CHST3: variants seen among roughly 807,000 people sequenced by gnomAD.
The protein encoded by CHST3 is carbohydrate sulfotransferase 3.
A neutral mutation model predicts 35.4 loss-of-function variants in CHST3; 20 were observed. The observed-to-expected ratio is 0.57, with a 90% CI of 0.40 to 0.82. The LOEUF is 0.82. Among genes scored for constraint, CHST3 ranks in the 40% least tolerant of loss-of-function variants. The probability of loss-of-function intolerance (pLI) is 0.00; values close to 1 mark genes in which losing one functional copy is unlikely to be tolerated. For missense variants in CHST3, 693 were observed against 670.1 expected, an observed-to-expected ratio of 1.03 and a Z score of -0.38; for synonymous variants, 334 against 295.9, an observed-to-expected ratio of 1.13 and a Z score of -1.32.
At chr10:71,996,366 T>TAC (rs1839937821) in intron 1 of CHST3, among the ~76,000 whole-genome samples, 1 of 151,112 alleles carries the variant, frequency 6.6e-6, no homozygotes, top group Non-Finnish European at 1.5e-5. Flanking sequence ...ATTGCTAACT[T>TAC]TGTCAGACGT....
At chr10:71,987,733 A>AAAAG (rs3062561) in intron 1 of CHST3, among the ~76,000 whole-genome samples, 1 of 150,308 alleles carries the variant, frequency 6.7e-6, no homozygotes, top group African/African-American at 2.4e-5. Flanking sequence ...AAAAAAAAAA[A>AAAAG]GACAGAGGAA....
chr10:71,977,035 C>G (rs1477012607), intron 1 of CHST3, among the ~76,000 whole-genome samples: 2 of 152,190 alleles, frequency 1.3e-5, no homozygotes, highest in African/African-American at 4.8e-5. Flanking sequence ...AAAACCCTTC[C>G]CTGTTTCACA....
chr10:71,976,516 GC>G (rs1379741347), intron 1 of CHST3, among the ~76,000 whole-genome samples: 1 of 152,186 alleles, frequency 6.6e-6, no homozygotes, highest in Non-Finnish European at 1.5e-5. Context: ...GCCCTCCCCA[GC>G]CCCAGTCTCA....
chr10:71,991,382 G>A (rs185989812), intron 1 of CHST3, among the ~76,000 whole-genome samples: 1 of 152,302 alleles, frequency 6.6e-6, no homozygotes, highest in East Asian at 1.9e-4. Context: ...GCTTTCTTTG[G>A]GCAGTTGCCC....
chr10:71,993,991 T>G (rs879725411), intron 1 of CHST3, among the ~76,000 whole-genome samples: 5 of 152,040 alleles, frequency 3.3e-5, no homozygotes, highest in Non-Finnish European at 5.9e-5. Flanking sequence ...TCCCAGCTAC[T>G]TGGGAGGCTG....
chr10:71,970,176 C>T (rs1208794569), intron 1 of CHST3, among the ~76,000 whole-genome samples: 1 of 152,106 alleles, frequency 6.6e-6, no homozygotes, highest in Non-Finnish European at 1.5e-5. Flanking sequence ...GCTTGGAGGG[C>T]AGGGTGGGCC....
intron 1 of CHST3, among the ~76,000 whole-genome samples, chr10:71,991,602 T>A (rs1183272203): frequency 6.6e-6 from 1 of 152,082 alleles, no homozygotes; most frequent in Non-Finnish European, 1.5e-5. Flanking sequence ...ATAAAGCAAA[T>A]CACACAAATT....
chr10:71,987,220 A>G (rs764299798), intron 1 of CHST3, among the ~76,000 whole-genome samples: 1 of 151,948 alleles, frequency 6.6e-6, no homozygotes, highest in Non-Finnish European at 1.5e-5. Context: ...TGCTTCTCCT[A>G]CAGATCTAGT....
intron 1 of CHST3, among the ~76,000 whole-genome samples, chr10:71,978,612 A>G (rs1400989311): frequency 6.6e-6 from 1 of 152,238 alleles, no homozygotes; most frequent in Non-Finnish European, 1.5e-5. Flanking sequence ...AAGCGCACAC[A>G]TCGATCATTT....
Position 72,005,983 on chromosome 10 carries a change from G to A in CHST3, c.140+1G>A. ...AAAAGGAAAATAAAATCATATCAAGGTGAGGGTTGCAAGCCCAAGTCTTCA... is the reference window on the plus strand; with the variant it reads ...AAAAGGAAAATAAAATCATATCAAGATGAGGGTTGCAAGCCCAAGTCTTCA... On this transcript the variant is annotated splice_donor_variant, in intron 2 of 2. Coordinates refer to ENST00000373115, the MANE Select transcript of CHST3 (RefSeq NM_004273.5). LOFTEE classifies it high-confidence loss of function. 7 of 1,610,798 alleles carry A rather than the reference G, an allele frequency of 4.3e-6. No homozygotes were observed. The highest frequency in any genetic ancestry group is 5.9e-6 in the Non-Finnish European group (7 of 1,177,312).
intron 1 of CHST3, among the ~76,000 whole-genome samples, chr10:71,993,089 TTTTG>T (rs1005796021): frequency 7.0e-4 from 106 of 152,236 alleles, no homozygotes; most frequent in African/African-American, 2.1e-3. Context: ...TCTTTGCGTT[TTTTG>T]TTTGTTTGTT....
chr10:71,994,111 G>A (rs557890395), intron 1 of CHST3, among the ~76,000 whole-genome samples: 52 of 151,138 alleles, frequency 3.4e-4, no homozygotes, highest in African/African-American at 1.0e-3. Flanking sequence ...AAACAACAAC[G>A]AAAATTAGCC....
intron 1 of CHST3, among the ~76,000 whole-genome samples, chr10:71,968,117 G>A (rs538714677): frequency 1.3e-5 from 2 of 152,100 alleles, no homozygotes; most frequent in South Asian, 4.1e-4. Context: ...CGCTTGGCCA[G>A]CACTCCCTTT....
intron 1 of CHST3, among the ~76,000 whole-genome samples, chr10:71,999,612 C>A (rs910120922): frequency 6.6e-6 from 1 of 152,246 alleles, no homozygotes; most frequent in Non-Finnish European, 1.5e-5. Context: ...CTGCCTGATG[C>A]AATGTCTGGC....
chr10:72,005,707 G>T, intron 1 of CHST3, 29 bp from the exon 2 acceptor site: 2 of 1,042,774 alleles, frequency 1.9e-6, no homozygotes, highest in East Asian at 2.5e-5. Context: ...GTACAGACAA[G>T]GGTGTTCTGA....
chr10:72,007,447 C>A lies in CHST3; in HGVS notation c.416C>A (p.Ala139Asp). 1 of 1,603,474 alleles carries A rather than the reference C, an allele frequency of 6.2e-7. No homozygotes were observed. The highest frequency in any genetic ancestry group is 8.5e-7 in the Non-Finnish European group (1 of 1,179,598). The part of the protein sequence containing the change: ...AGPRRHVLLM[A>D]TTRTGSSFVG... Reference sequence around the variant, plus strand: ...CCCCGGCGCCACGTGCTGCTCATGGCCACCACGCGCACCGGCTCCTCGTTC... The same window carrying A: ...CCCCGGCGCCACGTGCTGCTCATGGACACCACGCGCACCGGCTCCTCGTTC... The change falls in exon 3 of 3, where the codon GCC becomes GAC. Residue 139 changes from alanine (A) to aspartate (D), a missense_variant. By Grantham distance (126) the Ala-to-Asp change is moderately radical. Transcript: ENST00000373115.
chr10:71,982,103 C>T (rs1839806642), intron 1 of CHST3, among the ~76,000 whole-genome samples: 1 of 152,304 alleles, frequency 6.6e-6, no homozygotes, highest in South Asian at 2.1e-4. Context: ...GATATGTGAG[C>T]TTGCATGGTA....
chr10:72,013,292 G>C lies in CHST3; in HGVS notation c.*4821G>C, dbSNP rs886047184. The C allele has an allele frequency of 2.0e-5, 3 of 152,314 alleles. No individual in the cohort carries two copies. In the South Asian group the frequency reaches 6.2e-4, roughly 32 times the overall value. 9.4% of individuals were successfully genotyped at this position (152,314 alleles called of 1,614,324 possible). ...CCATGGTATGTACATATGCATCCAC[G>C]TGTGTGTATGTGTAGCATGTAGCTC... On this transcript the variant is annotated 3_prime_UTR_variant, in exon 3 of 3. Transcript: ENST00000373115.
At chr10:71,985,596 A>G (rs16929537) in intron 1 of CHST3, among the ~76,000 whole-genome samples, 18,162 of 151,700 alleles carry the variant, frequency 0.12, 1,069 homozygotes, top group Admixed American at 0.16. Flanking sequence ...TTACTGCCCC[A>G]CCTCTACTTC....
Sources: allele counts gnomAD v4.1 joint callset (sites outside exome capture counted in the v4.1 genomes callset), GRCh38; gene constraint gnomAD v4.1.1; transcripts MANE v1.5; gene names NCBI Gene and HGNC (gene_info 2026-07-23, HGNC 2026-07-21).